Variants in MAP2K7 observed in about 807,000 individuals in gnomAD.
The protein encoded by MAP2K7 is dual specificity mitogen-activated protein kinase kinase 7.
In MAP2K7, 12 loss-of-function variants were observed where a neutral mutation model predicts 47.7. The ratio of observed to expected loss-of-function variants is 0.25; its 90% CI spans 0.16 to 0.41. MAP2K7 has a LOEUF of 0.41. MAP2K7 is among the 10% of genes least tolerant of loss of function. The pLI is 1.00. For missense variants in MAP2K7, 415 were observed against 600.3 expected (o/e 0.69, Z 3.23); for synonymous variants, 299 against 243.0 (o/e 1.23, Z -2.14).
chr19:7,909,556 A>G (rs1269882097), intron 1 of MAP2K7, among the ~76,000 whole-genome samples, 199 bp from the exon 2 acceptor site: 1 of 152,132 alleles, frequency 6.6e-6, no homozygotes, highest in African/African-American at 2.4e-5. Flanking sequence ...GGATGAGACA[A>G]GGGACCCTGA....
intron 1 of MAP2K7, chr19:7,904,529 C>T (rs1272499987): frequency 3.8e-6 from 1 of 264,760 alleles, no homozygotes; most frequent in Non-Finnish European, 7.8e-6. Context: ...ACGCGCACGC[C>T]TGGCTCGGGG....
intron 1 of MAP2K7, 108 bp downstream of exon 1, chr19:7,904,176 T>C: frequency 3.3e-6 from 3 of 898,462 alleles, no homozygotes; most frequent in Non-Finnish European, 4.2e-6. Context: ...GGGCGCTCGC[T>C]CTCCTCTCCG....
At chr19:7,912,065 C>A (rs997400715) in intron 9 of MAP2K7, 84 bp from the exon 10 acceptor site, 2 of 1,353,604 alleles carry the variant, frequency 1.5e-6, no homozygotes, top group South Asian at 1.2e-5. Flanking sequence ...CCCCTGGCCC[C>A]TTGGGGAGGG....
At position 7,911,015 on chromosome 19, in the gene MAP2K7, C is replaced by A. The variant is rs756020181; in HGVS notation, c.711C>A (p.His237Gln). The A allele has an allele frequency of 1.2e-6, 2 of 1,612,408 alleles. No homozygotes were observed. The highest frequency in any genetic ancestry group is 1.7e-6 in the Non-Finnish European group (2 of 1,179,696). Residue 237 changes from histidine (H) to glutamine (Q), a missense_variant, in exon 7 of 11, where the codon CAC becomes CAA. His to Gln is a conservative substitution (Grantham distance 24, BLOSUM62 0). Coordinates refer to ENST00000397979, the MANE Select transcript of MAP2K7 (RefSeq NM_145185.4). ...CGCTGTACTACCTGAAGGAGAAGCA[C>A]GGTGTCATCCACCGCGACGTCAAGC... ...VKALYYLKEK[H>Q]GVIHRDVKPS...
Position 7,912,650 on chromosome 19 carries a change from C to CGACAGA in MAP2K7, c.*220_*225dup, listed in dbSNP as rs1982979766. The stretch of plus-strand genomic sequence containing the variant: ...GGGTCAGCCGGCCGTGTGCGTCCCC[C>CGACAGA]GACAGACACTGTGAACGGAAGACAG... On this transcript the variant is annotated 3_prime_UTR_variant, in exon 11 of 11. Transcript: ENST00000397979. 3.4e-6 allele frequency: 2 copies of CGACAGA among 595,112 alleles called. No homozygotes were observed. Among genetic ancestry groups the CGACAGA allele is most frequent in the Admixed American group, 3.1e-5 (1 of 32,174 alleles). 36.9% of individuals were successfully genotyped at this position (595,112 alleles called of 1,614,324 possible).
chr19:7,910,151 G>A (rs1259648268), intron 3 of MAP2K7, 22 bp downstream of exon 3: 1 of 1,594,586 alleles, frequency 6.3e-7, no homozygotes, highest in Non-Finnish European at 8.5e-7. Context: ...ACTGTGGCGG[G>A]GAGAGGGAGG....
chr19:7,905,985 C>CT, intron 1 of MAP2K7: 1 of 818,562 alleles, frequency 1.2e-6, no homozygotes. Flanking sequence ...CTCACTCTCA[C>CT]TTTCTCTCTC....
intron 1 of MAP2K7, chr19:7,905,776 GTGT>G (rs756988930): frequency 3.8e-6 from 6 of 1,571,080 alleles, no homozygotes; most frequent in South Asian, 2.2e-5. Context: ...ATTTATCGTG[GTGT>G]TGTTTTTTTC....
chr19:7,904,879 C>G (rs1173306029), intron 1 of MAP2K7, among the ~76,000 whole-genome samples: 2 of 152,018 alleles, frequency 1.3e-5, no homozygotes, highest in African/African-American at 4.8e-5. Context: ...CCCACCTGAC[C>G]TGGGGACACC....
At chr19:7,905,949 CTG>C in intron 1 of MAP2K7, 1 of 1,080,758 alleles carries the variant, frequency 9.3e-7, no homozygotes, top group Non-Finnish European at 1.4e-6. Context: ...CCCCCATGCT[CTG>C]TGTGTGTCCC....
At chr19:7,904,370 G>T in intron 1 of MAP2K7, 1 of 245,436 alleles carries the variant, frequency 4.1e-6, no homozygotes, top group Non-Finnish European at 8.4e-6. Context: ...CCGACTCCAC[G>T]CGACAGTGAC....
intron 5 of MAP2K7, 50 bp from the exon 6 acceptor site, chr19:7,910,646 G>A (rs544896328): frequency 1.2e-4 from 191 of 1,607,980 alleles, no homozygotes; most frequent in Admixed American, 5.0e-4. Flanking sequence ...CAGAGCCTCT[G>A]GGGGGTGGGC....
intron 1 of MAP2K7, chr19:7,906,208 G>A (rs1599621024): frequency 9.5e-6 from 3 of 316,732 alleles, no homozygotes; most frequent in Middle Eastern, 9.7e-4. Context: ...TGGGTGGGTG[G>A]CCTGTGCCTA....
chr19:7,911,354 C>G (rs1339746796), intron 8 of MAP2K7, 24 bp downstream of exon 8: 5 of 1,613,420 alleles, frequency 3.1e-6, no homozygotes, highest in Non-Finnish European at 2.5e-6. Flanking sequence ...CTCCCCTGTT[C>G]TCCAGCCAGG....
rs921513909 is a variant in MAP2K7 at position 7,906,092 on chromosome 19, A to G, written c.124+2024A>G. On this transcript the variant is annotated intron_variant, in intron 1 of 10. Transcript: ENST00000397979. Reference sequence around the variant, plus strand: ...CCCAGCTCCACTTTGGACTCCCTGGAGGAGGAGGTGGGCTCCCCCACTGAA... The same window carrying G: ...CCCAGCTCCACTTTGGACTCCCTGGGGGAGGAGGTGGGCTCCCCCACTGAA... 38 of 556,890 alleles carry G rather than the reference A, an allele frequency of 6.8e-5. No individual in the cohort carries two copies. In the African/African-American group the frequency reaches 7.0e-4, roughly 10 times the overall value. The allele number at this position is 556,890 out of a possible 1,614,324, so 34.5% of individuals were successfully genotyped here.
chr19:7,913,558 C>T lies in MAP2K7; in HGVS notation c.*1127C>T, dbSNP rs528199669. 3.3e-5 allele frequency: 5 copies of T among 151,706 alleles called. No individual in the cohort carries two copies. The highest frequency in any genetic ancestry group is 3.9e-4 in the East Asian group (2 of 5,098). 9.4% of individuals were successfully genotyped at this position (151,706 alleles called of 1,614,324 possible). On this transcript the variant is annotated 3_prime_UTR_variant, in exon 11 of 11. Coordinates refer to ENST00000397979, the MANE Select transcript of MAP2K7 (RefSeq NM_145185.4). ...GGGGGTGCGAGGTGGTCACTCCCAT[C>T]GTGCCCCTGGCCGTCCCTCCACTCA... is the stretch of plus-strand genomic sequence containing the variant.
chr19:7,909,513 C>A (rs577935460), intron 1 of MAP2K7, among the ~76,000 whole-genome samples: 1 of 152,232 alleles, frequency 6.6e-6, no homozygotes, highest in Non-Finnish European at 1.5e-5. Flanking sequence ...TCCCTCTCCC[C>A]TGCTAGCCTC....
chr19:7,911,994 C>T (rs980646437), intron 9 of MAP2K7, among the ~76,000 whole-genome samples, 155 bp from the exon 10 acceptor site: 1 of 152,182 alleles, frequency 6.6e-6, no homozygotes, highest in Non-Finnish European at 1.5e-5. Context: ...CAGTTGCTCC[C>T]CGCTGTCAGC....
At chr19:7,906,253 A>C (rs1419286443) in intron 1 of MAP2K7, 3 of 214,452 alleles carry the variant, frequency 1.4e-5, no homozygotes, top group Admixed American at 5.3e-5. Flanking sequence ...AACACATAGC[A>C]CCCCCCGGGT....
Sources: gnomAD v4.1 joint callset for allele counts (sites outside exome capture counted in the v4.1 genomes callset) on GRCh38, gnomAD v4.1.1 for gene constraint, MANE v1.5 for transcripts, NCBI Gene and HGNC (gene_info 2026-07-23, HGNC 2026-07-21) for gene names.